The following ZMYM4 variants were observed in gnomAD, a reference collection of about 807,000 sequenced individuals.
The protein encoded by ZMYM4 is zinc finger MYM-type protein 4.
ZMYM4 carries 31 observed loss-of-function variants against 183.2 expected under a neutral mutation model. The ratio of observed to expected loss-of-function variants is 0.17; its 90% CI spans 0.13 to 0.23. ZMYM4 has a LOEUF of 0.23. Ranked by LOEUF, ZMYM4 falls within the 10% of genes least tolerant of loss-of-function variation. ZMYM4 has a pLI of 1.00. For missense variants in ZMYM4, 1,273 were observed against 1,840.3 expected, an observed-to-expected ratio of 0.69 and a Z score of 5.64; for synonymous variants, 592 against 631.2, an observed-to-expected ratio of 0.94 and a Z score of 0.93.
chr1:35,377,539 CA>C (rs1644361435), intron 7 of ZMYM4, among the ~76,000 whole-genome samples: 1 of 152,072 alleles, frequency 6.6e-6, no homozygotes, highest in Admixed American at 6.5e-5. Flanking sequence ...GCAATTAGCT[CA>C]ATAAAGCAAT....
intron 2 of ZMYM4, among the ~76,000 whole-genome samples, chr1:35,344,588 C>G (rs1245769564): frequency 6.6e-6 from 1 of 151,792 alleles, no homozygotes; most frequent in Non-Finnish European, 1.5e-5. Flanking sequence ...TTTTTCTCTA[C>G]TTAGATGATC....
At chr1:35,412,529 G>C (rs1167061211) in intron 26 of ZMYM4, among the ~76,000 whole-genome samples, 1 of 152,042 alleles carries the variant, frequency 6.6e-6, no homozygotes, top group South Asian at 2.1e-4. Flanking sequence ...TGCGTTATAT[G>C]TACTGATATA....
At chr1:35,365,458 G>A (rs1351500533) in intron 5 of ZMYM4, among the ~76,000 whole-genome samples, 2 of 151,938 alleles carry the variant, frequency 1.3e-5, no homozygotes, top group African/African-American at 4.8e-5. Flanking sequence ...CATAATAATA[G>A]AGGACGAGCT....
chr1:35,357,872 G>A lies in ZMYM4; in HGVS notation c.86-1053G>A, dbSNP rs146291422. 3.9e-3 allele frequency among the ~76,000 whole-genome samples: 597 copies of A among 152,266 alleles called. 3 individuals carry two copies. The highest frequency in any genetic ancestry group is 4.8e-3 in the Non-Finnish European group (328 of 68,012). ...GTGAACAAAATAGCTCAGTCTGAGT[G>A]TAAAAGTAAAGAGAACAGGAATCTT... On this transcript the variant is annotated intron_variant, in intron 2 of 29. Transcript: ENST00000314607.
intron 1 of ZMYM4, among the ~76,000 whole-genome samples, chr1:35,272,158 C>T (rs1639641628): frequency 6.6e-6 from 1 of 152,088 alleles, no homozygotes; most frequent in Non-Finnish European, 1.5e-5. Context: ...CTATGCAGTA[C>T]CATGTCTTTG....
At chr1:35,310,535 G>C (rs115705333) in intron 1 of ZMYM4, 1 of 152,934 alleles carries the variant, frequency 6.5e-6, no homozygotes, top group East Asian at 1.9e-4. Context: ...TGTTGCATAC[G>C]TATGTATTTT....
chr1:35,297,459 C>T (rs1488859351), intron 1 of ZMYM4, among the ~76,000 whole-genome samples: 1 of 150,560 alleles, frequency 6.6e-6, no homozygotes, highest in Non-Finnish European at 1.5e-5. Flanking sequence ...CCACTGCACT[C>T]CAGCCTGGGT....
At chr1:35,387,340 T>C in intron 12 of ZMYM4, 62 bp downstream of exon 12, 1 of 1,584,342 alleles carries the variant, frequency 6.3e-7, no homozygotes, top group South Asian at 1.2e-5. Context: ...GTAAAATTAT[T>C]TTTAACTTTG....
chr1:35,418,824 A>G (rs1407170528), intron 29 of ZMYM4, among the ~76,000 whole-genome samples: 1 of 152,238 alleles, frequency 6.6e-6, no homozygotes, highest in African/African-American at 2.4e-5. Context: ...CAACTGTTGT[A>G]CAACCTTTAT....
At chr1:35,360,229 A>C (rs1404946625) in intron 3 of ZMYM4, among the ~76,000 whole-genome samples, 1 of 152,040 alleles carries the variant, frequency 6.6e-6, no homozygotes, top group Non-Finnish European at 1.5e-5. Context: ...CTCATTATTT[A>C]TAGTACTTAT....
Position 35,370,549 on chromosome 1 carries a change from T to A in ZMYM4, c.1103T>A (p.Leu368Gln). ...TCTACTCAGCTATTCTGCTCCACACTGTGCCTCACTGGATATACAGTTCCA... is the reference window on the plus strand; with the variant it reads ...TCTACTCAGCTATTCTGCTCCACACAGTGCCTCACTGGATATACAGTTCCA... ...KGSTQLFCST[L>Q]CLTGYTVPPA... The change falls in exon 7 of 30, where the codon CTG (leucine) becomes CAG (glutamine). Residue 368 changes from leucine to glutamine, a missense_variant. This residue lies in a region of ZMYM4 where 384 missense variants were observed against 465.6 expected (regional missense o/e 0.82). Transcript: ENST00000314607. 1 of 1,613,664 alleles carries A rather than the reference T, an allele frequency of 6.2e-7. No homozygotes were observed. The highest frequency in any genetic ancestry group is 8.5e-7 in the Non-Finnish European group (1 of 1,179,868).
chr1:35,401,352 G>A (rs1644905004), intron 23 of ZMYM4, among the ~76,000 whole-genome samples: 1 of 152,032 alleles, frequency 6.6e-6, no homozygotes, highest in Non-Finnish European at 1.5e-5. Context: ...ACCTCATTAT[G>A]GTTTTAATTT....
intron 1 of ZMYM4, among the ~76,000 whole-genome samples, chr1:35,307,505 AT>A (rs1336314564): frequency 1.3e-5 from 2 of 149,704 alleles, no homozygotes; most frequent in East Asian, 1.9e-4. Context: ...TTTAAAAAAA[AT>A]TTTTAATTAT....
chr1:35,379,537 A>C (rs916776657), intron 7 of ZMYM4, among the ~76,000 whole-genome samples: 2 of 152,244 alleles, frequency 1.3e-5, no homozygotes, highest in Non-Finnish European at 2.9e-5. Flanking sequence ...CGCCCGGCCA[A>C]CTGTTGCGCT....
intron 2 of ZMYM4, among the ~76,000 whole-genome samples, chr1:35,355,603 T>G (rs1260008790): frequency 6.6e-6 from 1 of 152,170 alleles, no homozygotes; most frequent in Non-Finnish European, 1.5e-5. Context: ...CAGTTTATCT[T>G]TTTATCTTTT....
chr1:35,302,722 A>G (rs1360499804), intron 1 of ZMYM4, among the ~76,000 whole-genome samples: 9 of 151,806 alleles, frequency 5.9e-5, no homozygotes, highest in Admixed American at 5.9e-4. Context: ...GGATCTTACT[A>G]TGTTGCTAAG....
intron 1 of ZMYM4, among the ~76,000 whole-genome samples, chr1:35,309,858 T>C (rs766054968): frequency 2.6e-5 from 4 of 151,854 alleles, no homozygotes; most frequent in Admixed American, 1.3e-4. Flanking sequence ...ATAACAGAAC[T>C]ATATTTAAGG....
rs1485845269 is a variant in ZMYM4 at position 35,392,221 on chromosome 1, C to T, written c.2597C>T (p.Ser866Phe). The change falls in exon 16 of 30, where the codon TCC (serine) becomes TTC (phenylalanine). Residue 866 changes from serine to phenylalanine, a missense_variant. Transcript: ENST00000314607. ...PPSQNNAANISMVQAASAGPP... is the reference protein window; with the variant it reads ...PPSQNNAANIFMVQAASAGPP... ...TGTTTATTTTAATCAGCAAATATTT[C>T]CATGGTTCAAGCTGCTTCAGCAGGA... 6.2e-7 allele frequency: 1 copy of T among 1,614,128 alleles called. No individual in the cohort carries two copies. The highest frequency in any genetic ancestry group is 8.5e-7 in the Non-Finnish European group (1 of 1,180,016).
At chr1:35,272,608 C>G (rs180732729) in intron 1 of ZMYM4, among the ~76,000 whole-genome samples, 168 of 152,296 alleles carry the variant, frequency 1.1e-3, no homozygotes, top group African/African-American at 4.0e-3. Flanking sequence ...CTCTGTAAAT[C>G]TTTCATAGCG....
Sources: gnomAD v4.1 joint callset for allele counts (sites outside exome capture counted in the v4.1 genomes callset) on GRCh38, gnomAD v4.1.1 for gene constraint, gnomAD v4.1.1 regional missense constraint, MANE v1.5 for transcripts, NCBI Gene and HGNC (gene_info 2026-07-23, HGNC 2026-07-21) for gene names.